FAM53B: variants seen among roughly 807,000 people sequenced by gnomAD.
FAM53B encodes family with sequence similarity 53 member B, also known as protein FAM53B.
FAM53B carries 12 observed loss-of-function variants against 32.7 expected under a neutral mutation model. The ratio of observed to expected loss-of-function variants is 0.37; its 90% CI spans 0.24 to 0.59. The LOEUF (loss-of-function observed/expected upper bound fraction) is 0.59. Ranked by LOEUF, FAM53B falls within the 20% of genes least tolerant of loss-of-function variation. The probability of loss-of-function intolerance (pLI) is 0.72; values close to 1 mark genes in which losing one functional copy is unlikely to be tolerated. For synonymous variants in FAM53B, 234 were observed against 228.7 expected (o/e 1.02, Z -0.21); for missense variants, 477 against 577.7 (o/e 0.83, Z 1.79).
At chr10:124,692,188 G>C (rs1397775114) in intron 3 of FAM53B, among the ~76,000 whole-genome samples, 2 of 152,130 alleles carry the variant, frequency 1.3e-5, no homozygotes, top group Non-Finnish European at 2.9e-5. Flanking sequence ...CTAATAAGGG[G>C]CACTGAGCCC....
At chr10:124,708,655 T>A (rs1448050116) in intron 1 of FAM53B, among the ~76,000 whole-genome samples, 1 of 152,254 alleles carries the variant, frequency 6.6e-6, no homozygotes, top group Non-Finnish European at 1.5e-5. Flanking sequence ...GAGGTGCTCC[T>A]GGACTCGCCT....
At position 124,724,185 on chromosome 10, in the gene FAM53B, C is replaced by T. The variant is rs59133520; in HGVS notation, c.-174-17298G>A. ...ATCTGGGGAGATTTCCTAGAGGAAGCGGCATGAGTGTTGGGCAGGAGTTCA... is the reference window on the plus strand; with the variant it reads ...ATCTGGGGAGATTTCCTAGAGGAAGTGGCATGAGTGTTGGGCAGGAGTTCA... On this transcript the variant is annotated intron_variant, in intron 1 of 4. Transcript: ENST00000337318. Among the ~76,000 whole-genome samples the T allele has an allele frequency of 6.5e-3, 993 of 152,274 alleles. 17 individuals are homozygous for T. The highest frequency in any genetic ancestry group is 0.023 in the African/African-American group (946 of 41,548).
At chr10:124,703,496 C>G (rs944534664) in intron 2 of FAM53B, 2 of 152,410 alleles carry the variant, frequency 1.3e-5, no homozygotes, top group Non-Finnish European at 2.9e-5. Flanking sequence ...ACCTCCAACA[C>G]CTTCCTGCTG....
chr10:124,668,605 A>G lies in FAM53B; in HGVS notation c.906+13002T>C, dbSNP rs139004327. 1.4e-4 allele frequency among the ~76,000 whole-genome samples: 21 copies of G among 152,384 alleles called. No homozygotes were observed. In the East Asian group the frequency reaches 4.1e-3, roughly 29 times the overall value. On this transcript the variant is annotated intron_variant, in intron 4 of 4. Transcript: ENST00000337318. ...GGGGACACAAGGTACAGAGCCAGAA[A>G]GGCACGACAAGACCCAGGCAACCCA...
At chr10:124,739,274 C>A (rs576594531) in intron 1 of FAM53B, among the ~76,000 whole-genome samples, 2 of 152,224 alleles carry the variant, frequency 1.3e-5, no homozygotes, top group Non-Finnish European at 2.9e-5. Flanking sequence ...TTCTGCCTTC[C>A]GGCTATGTGG....
intron 1 of FAM53B, among the ~76,000 whole-genome samples, chr10:124,741,148 C>T (rs1350708700): frequency 1.3e-5 from 2 of 152,218 alleles, no homozygotes; most frequent in African/African-American, 4.8e-5. Flanking sequence ...CCATCGAAAA[C>T]CGAAACTTGT....
chr10:124,638,467 G>A (rs1009418381), intron 4 of FAM53B, among the ~76,000 whole-genome samples: 1 of 152,204 alleles, frequency 6.6e-6, no homozygotes, highest in Non-Finnish European at 1.5e-5. Context: ...TGTAAAATGG[G>A]GAAATAAAAC....
chr10:124,683,579 T>C (rs1461413865), intron 3 of FAM53B, among the ~76,000 whole-genome samples: 1 of 152,144 alleles, frequency 6.6e-6, no homozygotes, highest in Non-Finnish European at 1.5e-5. Context: ...GCATGTACCA[T>C]CCTGGACCAG....
chr10:124,733,194 A>C lies in FAM53B; in HGVS notation c.-175+10819T>G, dbSNP rs1270500413. 6.6e-6 allele frequency among the ~76,000 whole-genome samples: 1 copy of C among 152,112 alleles called. No homozygotes were observed. The highest frequency in any genetic ancestry group is 1.5e-5 in the Non-Finnish European group (1 of 67,996). ...CCAGCCTTGGAAAACACACCCCCCAAAGCTAAGATGGGCTGCTAACTGCAG... is the reference window on the plus strand; with the variant it reads ...CCAGCCTTGGAAAACACACCCCCCACAGCTAAGATGGGCTGCTAACTGCAG... On this transcript the variant is annotated intron_variant, in intron 1 of 4. Coordinates refer to ENST00000337318, the MANE Select transcript of FAM53B (RefSeq NM_014661.4). The surrounding 1 kb of genome is among the most constrained non-coding windows in gnomAD (Gnocchi z 4.3).
At chr10:124,726,819 T>C (rs961131265) in intron 1 of FAM53B, among the ~76,000 whole-genome samples, 1 of 152,260 alleles carries the variant, frequency 6.6e-6, no homozygotes, top group Admixed American at 6.5e-5. Context: ...TTCTACTTGC[T>C]GTATTGAGTC....
chr10:124,698,116 G>C (rs907564792), intron 2 of FAM53B, among the ~76,000 whole-genome samples: 1 of 152,184 alleles, frequency 6.6e-6, no homozygotes, highest in African/African-American at 2.4e-5. Flanking sequence ...CCAGGGTCTT[G>C]CTTGCCAAGG....
chr10:124,662,753 G>A (rs1949642878), intron 4 of FAM53B, among the ~76,000 whole-genome samples: 1 of 152,212 alleles, frequency 6.6e-6, no homozygotes, highest in Non-Finnish European at 1.5e-5. Context: ...GAGCCCAGGA[G>A]TTCAAGGTTA....
At chr10:124,655,975 G>A (rs1949586964) in intron 4 of FAM53B, among the ~76,000 whole-genome samples, 1 of 152,234 alleles carries the variant, frequency 6.6e-6, no homozygotes, top group Non-Finnish European at 1.5e-5. Context: ...GTACCAAACA[G>A]AACTAGCCCC....
chr10:124,713,664 A>AG (rs1476918226), intron 1 of FAM53B: 1 of 152,258 alleles, frequency 6.6e-6, no homozygotes, highest in Non-Finnish European at 1.5e-5. Context: ...TGCATTTTGA[A>AG]GGGCTATCCC....
At chr10:124,676,348 G>A (rs560265663) in intron 4 of FAM53B, among the ~76,000 whole-genome samples, 1 of 152,272 alleles carries the variant, frequency 6.6e-6, no homozygotes, top group African/African-American at 2.4e-5. Context: ...TTCCCACCCT[G>A]AGAGGAAGGG....
intron 1 of FAM53B, among the ~76,000 whole-genome samples, chr10:124,728,933 C>G (rs775169920): frequency 6.6e-6 from 1 of 152,198 alleles, no homozygotes; most frequent in Non-Finnish European, 1.5e-5. Context: ...GCAGAGGGAC[C>G]TGGATTTTCA....
At chr10:124,731,494 CAACT>C (rs1387529472) in intron 1 of FAM53B, among the ~76,000 whole-genome samples, 1 of 152,152 alleles carries the variant, frequency 6.6e-6, no homozygotes, top group East Asian at 1.9e-4. Flanking sequence ...ACATTCTGCC[CAACT>C]GTCTGGGCTC....
chr10:124,639,652 C>A (rs1949457694), intron 4 of FAM53B, among the ~76,000 whole-genome samples: 1 of 152,224 alleles, frequency 6.6e-6, no homozygotes, highest in Admixed American at 6.5e-5. Flanking sequence ...CTCAACATAA[C>A]TATGAATTTT....
chr10:124,646,139 C>T (rs1949511718), intron 4 of FAM53B, among the ~76,000 whole-genome samples: 1 of 152,320 alleles, frequency 6.6e-6, no homozygotes, highest in East Asian at 1.9e-4. Context: ...GGAGGGGGAA[C>T]AATGAGCATC....
Sources: gnomAD v4.1 joint callset for allele counts (sites outside exome capture counted in the v4.1 genomes callset) on GRCh38, gnomAD v4.1.1 for gene constraint, Gnocchi (gnomAD v3.1) non-coding constraint, MANE v1.5 for transcripts, NCBI Gene and HGNC (gene_info 2026-07-23, HGNC 2026-07-21) for gene names.